The following MYCBP2 variants were observed in gnomAD, a reference collection of about 807,000 sequenced individuals.
MYCBP2 encodes the protein MYC binding protein 2, also known as E3 ubiquitin-protein ligase MYCBP2.
MYCBP2 carries 120 observed loss-of-function variants against 525.3 expected under a neutral mutation model. The observed-to-expected ratio is 0.23, with a 90% CI of 0.20 to 0.27. MYCBP2 has a LOEUF of 0.27. Among genes scored for constraint, MYCBP2 ranks in the 10% least tolerant of loss-of-function variants. The pLI is 1.00. For missense variants in MYCBP2, 4,149 were observed against 5,657.1 expected (o/e 0.73, Z 8.55); for synonymous variants, 1,894 against 1,955.8 (o/e 0.97, Z 0.83).
chr13:77,057,262 A>T (rs2038283341), intron 78 of MYCBP2, among the ~76,000 whole-genome samples, 169 bp from the exon 79 acceptor site: 1 of 152,256 alleles, frequency 6.6e-6, no homozygotes, highest in South Asian at 2.1e-4. Flanking sequence ...ATTATTATTT[A>T]CTAAATTTCA....
At chr13:77,108,022 T>C (rs1019324057) in intron 55 of MYCBP2, among the ~76,000 whole-genome samples, 1 of 152,182 alleles carries the variant, frequency 6.6e-6, no homozygotes, top group Admixed American at 6.5e-5. Flanking sequence ...ACTGTATTTA[T>C]GTAAGACTTA....
intron 20 of MYCBP2, among the ~76,000 whole-genome samples, chr13:77,222,704 A>G (rs1366808539): frequency 3.9e-5 from 6 of 152,070 alleles, no homozygotes; most frequent in Non-Finnish European, 7.4e-5. Flanking sequence ...GAATCCACAT[A>G]TGATATTTTT....
intron 68 of MYCBP2, among the ~76,000 whole-genome samples, chr13:77,073,108 T>A (rs1224733663): frequency 6.6e-6 from 1 of 152,194 alleles, no homozygotes; most frequent in Non-Finnish European, 1.5e-5. Flanking sequence ...ACAGCATTTT[T>A]ATTACTTCTA....
rs1423944163 is a variant in MYCBP2 at position 77,098,686 on chromosome 13, T to A, written c.8468A>T (p.Lys2823Met). ...PGPGSRLSSP[K>M]PKTLPANRSS... is the part of the protein sequence containing the mutation. ...CCTATTGGCTGGGAGAGTCTTTGGCTTAGGAGATGACAACCGAGAACCTGG... is the reference window on the plus strand; with the variant it reads ...CCTATTGGCTGGGAGAGTCTTTGGCATAGGAGATGACAACCGAGAACCTGG... Residue 2823 changes from lysine (K) to methionine (M), a missense_variant, in exon 56 of 83, where the codon AAG becomes ATG. Lys to Met is a moderately conservative substitution (Grantham distance 95, BLOSUM62 -1). Around this residue, in one of 21 missense-constraint regions of MYCBP2, gnomAD observed 653 missense variants for 744.7 expected, o/e 0.88. Transcript: ENST00000544440. The A allele has an allele frequency of 6.2e-7, 1 of 1,613,484 alleles. No individual in the cohort carries two copies. Among genetic ancestry groups the A allele is most frequent in the East Asian group, 2.2e-5 (1 of 44,848 alleles).
chr13:77,145,809 C>A (rs2055435833), intron 48 of MYCBP2, among the ~76,000 whole-genome samples: 1 of 151,826 alleles, frequency 6.6e-6, no homozygotes, highest in African/African-American at 2.4e-5. Flanking sequence ...TGAAATCTCT[C>A]CACAATTCAT....
rs1256646105 is a variant in MYCBP2 at position 77,121,556 on chromosome 13, C to CA, written c.8018-62dup. Reference sequence around the variant, plus strand: ...TACGTGCTATTCCCTATTCATACAACAAAGAGAGAAAATTGCAAAAGATTT... The same window carrying CA: ...TACGTGCTATTCCCTATTCATACAACAAAAGAGAGAAAATTGCAAAAGATTT... On this transcript the variant is annotated intron_variant, in intron 54 of 82. Coordinates refer to ENST00000544440, the MANE Select transcript of MYCBP2 (RefSeq NM_015057.5). 2.2e-6 allele frequency: 3 copies of CA among 1,381,384 alleles called. No individual in the cohort carries two copies. In the Admixed American group the frequency reaches 7.8e-5, roughly 36 times the overall value. The allele number at this position is 1,381,384 out of a possible 1,614,324, so 85.6% of individuals were successfully genotyped here. A position where few individuals can be genotyped will look rare whatever the true frequency, so the allele number is the denominator to read the frequency against.
chr13:77,252,320 T>TA (rs2071354699), intron 14 of MYCBP2, among the ~76,000 whole-genome samples: 1 of 152,118 alleles, frequency 6.6e-6, no homozygotes, highest in African/African-American at 2.4e-5. Context: ...GAGGGCTATA[T>TA]AAAAAAATGA....
chr13:77,308,889 C>T (rs73223454), intron 1 of MYCBP2, among the ~76,000 whole-genome samples: 2,991 of 152,316 alleles, frequency 0.02, 56 homozygotes, highest in Middle Eastern at 0.075. Flanking sequence ...ACCAACTCCC[C>T]ATCCATCACT....
At chr13:77,294,543 T>C (rs1022179193) in intron 2 of MYCBP2, among the ~76,000 whole-genome samples, 15 of 152,112 alleles carry the variant, frequency 9.9e-5, no homozygotes, top group African/African-American at 2.4e-5. Context: ...ACAAAAGACC[T>C]TGACTTCTCC....
chr13:77,282,965 G>GA (rs1275111438), intron 3 of MYCBP2, among the ~76,000 whole-genome samples: 2 of 151,940 alleles, frequency 1.3e-5, no homozygotes, highest in Non-Finnish European at 2.9e-5. Context: ...ACACTCTCTA[G>GA]ACAACTGCAA....
chr13:77,286,947 C>T (rs1434090315), intron 3 of MYCBP2, among the ~76,000 whole-genome samples: 2 of 144,572 alleles, frequency 1.4e-5, no homozygotes, highest in Admixed American at 1.4e-4. Context: ...TGCAGTGGCG[C>T]CATCTCGGCT....
At chr13:77,303,543 C>T (rs952380026) in intron 1 of MYCBP2, among the ~76,000 whole-genome samples, 10 of 151,134 alleles carry the variant, frequency 6.6e-5, no homozygotes, top group Admixed American at 2.0e-4. Context: ...AAAAATTAAA[C>T]GAGAAATTAA....
intron 39 of MYCBP2, 148 bp downstream of exon 39, chr13:77,169,466 G>T: frequency 1.7e-6 from 1 of 586,610 alleles, no homozygotes; most frequent in Non-Finnish European, 3.0e-6. Context: ...GAAGAGAGAA[G>T]TTTAATAATT....
intron 16 of MYCBP2, among the ~76,000 whole-genome samples, chr13:77,243,428 C>A (rs2069235035): frequency 6.6e-6 from 1 of 152,094 alleles, no homozygotes; most frequent in South Asian, 2.1e-4. Flanking sequence ...GCCTGGCCAA[C>A]ATGGTGAAAC....
rs528416515 is a variant in MYCBP2, at chr13:77,067,552, T to C, written c.12455+29A>G. Reference sequence around the variant, plus strand: ...GAACAGTAGCTCACTCTATTCTGTTTTGGTACTAAAATAGAGGCAATAACT... The same window carrying C: ...GAACAGTAGCTCACTCTATTCTGTTCTGGTACTAAAATAGAGGCAATAACT... On this transcript the variant is annotated intron_variant, in intron 71 of 82. Transcript: ENST00000544440. The C allele has an allele frequency of 5.6e-6, 9 of 1,606,742 alleles. No individual in the cohort carries two copies. In the African/African-American group the frequency reaches 1.1e-4, roughly 19 times the overall value.
intron 30 of MYCBP2, among the ~76,000 whole-genome samples, chr13:77,186,925 C>G (rs1027073254): frequency 6.6e-6 from 1 of 151,828 alleles, no homozygotes; most frequent in African/African-American, 2.4e-5. Flanking sequence ...CTCACCACCC[C>G]CTCAGCCTCC....
At chr13:77,168,697 C>G (rs747456710) in intron 39 of MYCBP2, 51 bp from the exon 40 acceptor site, 1 of 1,516,310 alleles carries the variant, frequency 6.6e-7, no homozygotes, top group South Asian at 1.1e-5. Context: ...GAAAGTGGTT[C>G]TAAAATTATG....
chr13:77,069,409 T>A (rs1447876638), intron 69 of MYCBP2, among the ~76,000 whole-genome samples: 2 of 152,014 alleles, frequency 1.3e-5, no homozygotes, highest in East Asian at 3.9e-4. Flanking sequence ...GATCATGAGA[T>A]CAGGAGATCG....
At position 77,045,061 on chromosome 13, in the gene MYCBP2, TGGGCATGGC is replaced by T. The variant is rs2035297411; in HGVS notation, c.*308_*316del. 4.9e-6 allele frequency: 2 copies of T among 411,028 alleles called. No homozygotes were observed. Among genetic ancestry groups the T allele is most frequent in the Non-Finnish European group, 8.6e-6 (2 of 232,852 alleles). The allele number at this position is 411,028 out of a possible 1,614,324, so 25.5% of individuals were successfully genotyped here. A position where few individuals can be genotyped will look rare whatever the true frequency, so the allele number is the denominator to read the frequency against. On this transcript the variant is annotated 3_prime_UTR_variant, in exon 83 of 83. Transcript: ENST00000544440. ...GAAAGCCAGCATCGTTCTTAGTCCA[TGGGCATGGC>T]GATTCTTTTATATCAATTATCTATA...
Sources: allele counts gnomAD v4.1 joint callset (sites outside exome capture counted in the v4.1 genomes callset), GRCh38; gene constraint gnomAD v4.1.1; regional missense constraint gnomAD v4.1.1; transcripts MANE v1.5; gene names NCBI Gene and HGNC (gene_info 2026-07-23, HGNC 2026-07-21).